The following TENM1 variants were observed in gnomAD, a reference collection of about 807,000 sequenced individuals.
The protein encoded by TENM1 is teneurin-1.
Under a neutral mutation model 174.8 loss-of-function variants are expected in TENM1, and 35 were observed. The observed-to-expected ratio is 0.20, with a 90% CI of 0.15 to 0.27. The LOEUF (loss-of-function observed/expected upper bound fraction) is 0.27, where lower values mean the gene tolerates loss of function less well. Among genes scored for constraint, TENM1 ranks in the 10% least tolerant of loss-of-function variants. The pLI, the probability that TENM1 is intolerant of heterozygous loss-of-function variation, is 1.00. For missense variants in TENM1, 1,633 were observed against 2,130.1 expected (o/e 0.77, Z 4.59); for synonymous variants, 781 against 798.7 (o/e 0.98, Z 0.37).
chrX:125,102,745 G>A, the TENM1 span, among the ~76,000 whole-genome samples: 1 of 112,330 alleles, frequency 8.9e-6, no homozygotes, highest in African/African-American at 3.2e-5. Context: ...AATTCTTAAC[G>A]GGAATTTAGT....
In TENM1 at chrX:124,607,754, GA is replaced by G. The variant is rs1225999400; in HGVS notation, c.2077+34036del. ...AGGATTACTCTTGTTGTTCTGCTGA[GA>G]ATAGACTCTAGGGGGAAAAGATGGA... is the stretch of plus-strand genomic sequence containing the variant. On this transcript the variant is annotated intron_variant, in intron 11 of 31. Transcript: ENST00000422452. 2.7e-5 allele frequency among the ~76,000 whole-genome samples: 3 copies of G among 110,983 alleles called. No homozygotes were observed. In the Admixed American group the frequency reaches 2.9e-4, roughly 11 times the overall value.
chrX:125,042,951 C>A, the TENM1 span, among the ~76,000 whole-genome samples: 2 of 111,382 alleles, frequency 1.8e-5, no homozygotes, highest in Non-Finnish European at 3.8e-5. Flanking sequence ...ATTGCATTTA[C>A]TTGCAAGGAA....
chrX:124,769,301 C>T (rs962482918), intron 3 of TENM1, among the ~76,000 whole-genome samples: 1 of 111,531 alleles, frequency 9.0e-6, no homozygotes, highest in Non-Finnish European at 1.9e-5. Flanking sequence ...TTTGTGATGG[C>T]TACATTGACT....
At chrX:124,671,635 C>A in intron 6 of TENM1, 48 bp downstream of exon 9, 2 of 1,149,140 alleles carry the variant, frequency 1.7e-6, no homozygotes, top group Non-Finnish European at 2.3e-6. Flanking sequence ...TTCTAATGAC[C>A]AAATTAGAAG....
At position 124,590,238 on chromosome X, in the gene TENM1, A is replaced by G. The variant is rs936303173; in HGVS notation, c.2078-24678T>C. Among the ~76,000 whole-genome samples the G allele has an allele frequency of 1.2e-4, 13 of 111,629 alleles. No individual in the cohort carries two copies. In the Admixed American group the frequency reaches 1.2e-3, roughly 11 times the overall value. On this transcript the variant is annotated intron_variant, in intron 11 of 31. Coordinates refer to ENST00000422452, the Ensembl canonical transcript of TENM1. ...TGCAGTTTTGAGAGATCTTCTCAGTATCAGCCCAAAATCTCCTTAAGCTGA... is the reference window on the plus strand; with the variant it reads ...TGCAGTTTTGAGAGATCTTCTCAGTGTCAGCCCAAAATCTCCTTAAGCTGA...
At chrX:124,863,860 G>A (rs1414758725) in intron 3 of TENM1, among the ~76,000 whole-genome samples, 4 of 112,597 alleles carry the variant, frequency 3.6e-5, no homozygotes, top group Non-Finnish European at 7.5e-5. Context: ...TGGCCACAGA[G>A]GTGCCTGTGT....
At chrX:125,176,461 T>C in the TENM1 span, among the ~76,000 whole-genome samples, 2 of 111,514 alleles carry the variant, frequency 1.8e-5, no homozygotes, top group Non-Finnish European at 3.8e-5. Context: ...ACAAAGCAGT[T>C]ACCACACTTA....
chrX:125,169,610 C>T, the TENM1 span, among the ~76,000 whole-genome samples: 1 of 111,405 alleles, frequency 9.0e-6, no homozygotes, highest in African/African-American at 3.3e-5. Context: ...CTAATCTGCA[C>T]ATCTAAGATA....
the TENM1 span, among the ~76,000 whole-genome samples, chrX:125,022,683 A>G: frequency 1.8e-5 from 2 of 111,417 alleles, no homozygotes; most frequent in South Asian, 7.5e-4. Context: ...CAGCCCAAGC[A>G]AGCATCATCG....
At chrX:124,842,674 G>A (rs769584613) in intron 3 of TENM1, among the ~76,000 whole-genome samples, 36 of 110,378 alleles carry the variant, frequency 3.3e-4, no homozygotes, top group Non-Finnish European at 5.7e-4. Flanking sequence ...GCTCTCTGGT[G>A]TCCCTTTTTA....
chrX:125,165,814 T>C, the TENM1 span, among the ~76,000 whole-genome samples: 1 of 111,801 alleles, frequency 8.9e-6, no homozygotes, highest in African/African-American at 3.2e-5. Context: ...CCATCATGGT[T>C]GGCCTGAGTT....
At chrX:125,018,784 G>A in the TENM1 span, among the ~76,000 whole-genome samples, 6 of 111,419 alleles carry the variant, frequency 5.4e-5, no homozygotes, top group African/African-American at 1.6e-4. Context: ...TAGGTCACAT[G>A]TAAGGAAGTT....
At chrX:125,066,843 T>C in the TENM1 span, among the ~76,000 whole-genome samples, 1 of 111,735 alleles carries the variant, frequency 8.9e-6, no homozygotes, top group Non-Finnish European at 1.9e-5. Flanking sequence ...CCTAATTGCT[T>C]CACACGTTGC....
chrX:124,906,267 T>G (rs1973860855), intron 1 of TENM1, among the ~76,000 whole-genome samples: 1 of 111,959 alleles, frequency 8.9e-6, no homozygotes, highest in Non-Finnish European at 1.9e-5. Context: ...AATGGTTGTA[T>G]GGGTACTCAA....
chrX:124,961,192 T>C (rs951955988), intron 1 of TENM1, among the ~76,000 whole-genome samples: 2 of 112,246 alleles, frequency 1.8e-5, no homozygotes, highest in Non-Finnish European at 3.8e-5. Flanking sequence ...CAATGCATGA[T>C]AAGCACTTAT....
chrX:124,489,961 C>T (rs1032197555), intron 20 of TENM1, among the ~76,000 whole-genome samples: 1 of 111,604 alleles, frequency 9.0e-6, no homozygotes, highest in African/African-American at 3.3e-5. Flanking sequence ...TCATCCAAGA[C>T]TACCTTCCCC....
At chrX:125,180,860 T>C in the TENM1 span, among the ~76,000 whole-genome samples, 1 of 111,968 alleles carries the variant, frequency 8.9e-6, no homozygotes, top group Non-Finnish European at 1.9e-5. Flanking sequence ...CTTATTCTTT[T>C]GCTTAGAACA....
chrX:124,997,025 G>A, the TENM1 span, among the ~76,000 whole-genome samples: 2 of 111,517 alleles, frequency 1.8e-5, no homozygotes, highest in Non-Finnish European at 3.8e-5. Context: ...CTTGACTAAA[G>A]TACAATGGGG....
At chrX:124,860,580 A>C (rs901819766) in intron 3 of TENM1, among the ~76,000 whole-genome samples, 4 of 111,841 alleles carry the variant, frequency 3.6e-5, no homozygotes, top group Non-Finnish European at 7.5e-5. Context: ...TTTCCAGTTT[A>C]CTACCAATGC....
Sources: allele counts gnomAD v4.1 joint callset (sites outside exome capture counted in the v4.1 genomes callset), GRCh38; gene constraint gnomAD v4.1.1; transcripts MANE v1.5; gene names NCBI Gene and HGNC (gene_info 2026-07-23, HGNC 2026-07-21).